ARID3A: variants seen among roughly 807,000 people sequenced by gnomAD.
The protein encoded by ARID3A is AT-rich interactive domain-containing protein 3A.
In ARID3A, 11 loss-of-function variants were observed where a neutral mutation model predicts 52.7. The ratio of observed to expected loss-of-function variants is 0.21; its 90% confidence interval spans 0.13 to 0.35. ARID3A has a LOEUF of 0.35. Among genes scored for constraint, ARID3A ranks in the 10% least tolerant of loss-of-function variants. The pLI is 1.00. For missense variants in ARID3A, 721 were observed against 838.5 expected, an observed-to-expected ratio of 0.86 and a Z score of 1.73; for synonymous variants, 404 against 359.4, an observed-to-expected ratio of 1.12 and a Z score of -1.40.
Position 959,202 on chromosome 19 carries a change from C to T in ARID3A, c.694-890C>T, listed in dbSNP as rs918409036. On this transcript the variant is annotated intron_variant, in intron 3 of 8. Coordinates refer to ENST00000263620, the MANE Select transcript of ARID3A (RefSeq NM_005224.3). The surrounding 1 kb of genome is among the most constrained non-coding windows in gnomAD (Gnocchi z 5.0). ...CACAAGCCCAGGAACCTGGAGCCCC[C>T]AGAAGCCGTGAGAGGCAGGAAGGTT... is the stretch of plus-strand genomic sequence containing the variant. Among the ~76,000 whole-genome samples, 6 of 152,102 alleles carry T rather than the reference C, an allele frequency of 3.9e-5. No homozygotes were observed. Among genetic ancestry groups the T allele is most frequent in the African/African-American group, 1.2e-4 (5 of 41,418 alleles).
intron 3 of ARID3A, among the ~76,000 whole-genome samples, chr19:953,449 A>C (rs2037845087): frequency 1.4e-5 from 2 of 145,676 alleles, no homozygotes; most frequent in Non-Finnish European, 1.5e-5. Flanking sequence ...TGGGGGCGGC[A>C]CCTCCCACCC....
At chr19:936,503 C>T (rs2037442054) in intron 3 of ARID3A, among the ~76,000 whole-genome samples, 1 of 151,960 alleles carries the variant, frequency 6.6e-6, no homozygotes, top group African/African-American at 2.4e-5. Context: ...GTGATCGCGC[C>T]ACCACACTCC....
chr19:945,331 T>C (rs1195137781), intron 3 of ARID3A, among the ~76,000 whole-genome samples: 1 of 152,162 alleles, frequency 6.6e-6, no homozygotes, highest in African/African-American at 2.4e-5. Flanking sequence ...GCCTTTACGG[T>C]TCACCAGGTT....
At chr19:936,319 G>A (rs117766092) in intron 3 of ARID3A, among the ~76,000 whole-genome samples, 10,868 of 152,274 alleles carry the variant, frequency 0.071, 473 homozygotes, top group East Asian at 0.21. Context: ...GTGGGAGGCC[G>A]AGATGGGCAG....
chr19:933,214 G>C (rs1035646275), intron 3 of ARID3A, among the ~76,000 whole-genome samples: 2 of 152,294 alleles, frequency 1.3e-5, no homozygotes, highest in Middle Eastern at 6.8e-3. Flanking sequence ...GAGGGGATGT[G>C]GGGGTGGCTC....
intron 6 of ARID3A, 100 bp from the exon 7 acceptor site, chr19:966,472 A>AC (rs1364258856): frequency 9.2e-7 from 1 of 1,083,598 alleles, no homozygotes; most frequent in Non-Finnish European, 1.3e-6. Flanking sequence ...AAAAAAAAAA[A>AC]AAAGAAAAGA....
rs374207526 is a variant in ARID3A at position 935,367 on chromosome 19, G to A, written c.693+2625G>A. 1.5e-3 allele frequency among the ~76,000 whole-genome samples: 225 copies of A among 152,292 alleles called. 1 individual carries two copies. The highest frequency in any genetic ancestry group is 5.2e-3 in the African/African-American group (215 of 41,564). On this transcript the variant is annotated intron_variant, in intron 3 of 8. Transcript: ENST00000263620. ...GCAGTTTTGGAGGCCAGCACGTGTC[G>A]GGCAGTGATTAGGATCTCAGCCTCC...
chr19:928,209 TC>T (rs1158814067), intron 1 of ARID3A: 1 of 152,314 alleles, frequency 6.6e-6, no homozygotes, highest in Non-Finnish European at 1.5e-5. Context: ...CTTTGCCCCC[TC>T]CGCTGTCCCC....
At position 968,228 on chromosome 19, in the gene ARID3A, C is replaced by T. The variant is rs369083883; in HGVS notation, c.1496-177C>T. 1.1e-4 allele frequency among the ~76,000 whole-genome samples: 16 copies of T among 150,232 alleles called. No homozygotes were observed. The East Asian group carries it at 1.2e-3, about 11-fold the overall frequency. On this transcript the variant is annotated intron_variant, in intron 7 of 8. Coordinates refer to ENST00000263620, the MANE Select transcript of ARID3A (RefSeq NM_005224.3). ...ACAAAAAATTAGCCAGGCGTGGTGG[C>T]GGGCGCCTGTAGTCCCAGCTACTGG...
rs2037566651 is a variant in ARID3A, at chr19:942,028, G to A, written c.693+9286G>A. Reference sequence around the variant, plus strand: ...ACCCCCGGGGCTGCTAGAGAGTGGCGCTGTCTGTCTTGGTCAGCAGCGCGC... The same window carrying A: ...ACCCCCGGGGCTGCTAGAGAGTGGCACTGTCTGTCTTGGTCAGCAGCGCGC... On this transcript the variant is annotated intron_variant, in intron 3 of 8. Transcript: ENST00000263620. This position sits in a 1 kb window ranked among gnomAD's most constrained non-coding sequence, Gnocchi z 8.1. 6.6e-6 allele frequency among the ~76,000 whole-genome samples: 1 copy of A among 152,178 alleles called. No homozygotes were observed. The highest frequency in any genetic ancestry group is 1.5e-5 in the Non-Finnish European group (1 of 68,038).
rs377115181 is a variant in ARID3A, at chr19:974,417, A to G, written c.*2352A>G. On this transcript the variant is annotated 3_prime_UTR_variant, in exon 9 of 9. Coordinates refer to ENST00000263620, the MANE Select transcript of ARID3A (RefSeq NM_005224.3). Reference sequence around the variant, plus strand: ...ACAATCGGGCCCCACTCGCAGAACCACCTGGACTCTGTCCGTGTCTGTCCC... The same window carrying G: ...ACAATCGGGCCCCACTCGCAGAACCGCCTGGACTCTGTCCGTGTCTGTCCC... 1.3e-4 allele frequency: 31 copies of G among 230,398 alleles called. No homozygotes were observed. Among genetic ancestry groups the G allele is most frequent in the African/African-American group, 6.4e-4 (29 of 45,072 alleles). The allele number at this position is 230,398 out of a possible 1,614,324, so 14.3% of individuals were successfully genotyped here.
intron 4 of ARID3A, chr19:962,038 C>T (rs1021012018): frequency 5.9e-5 from 9 of 152,300 alleles, no homozygotes; most frequent in African/African-American, 2.2e-4. Flanking sequence ...GCTGGGAATT[C>T]CTACAGGACA....
intron 2 of ARID3A, among the ~76,000 whole-genome samples, chr19:931,314 G>T (rs2037321392): frequency 6.6e-6 from 1 of 151,690 alleles, no homozygotes; most frequent in Non-Finnish European, 1.5e-5. Flanking sequence ...CTGGCCGGGT[G>T]CAGTGGCTCA....
At position 972,164 on chromosome 19, in the gene ARID3A, T is replaced by C. The variant is rs921519448; in HGVS notation, c.*99T>C. The C allele has an allele frequency of 2.6e-6, 3 of 1,169,054 alleles. No homozygotes were observed. Among genetic ancestry groups the C allele is most frequent in the Non-Finnish European group, 1.2e-6 (1 of 865,530 alleles). The allele number at this position is 1,169,054 out of a possible 1,614,324, so 72.4% of individuals were successfully genotyped here. On this transcript the variant is annotated 3_prime_UTR_variant, in exon 9 of 9. Transcript: ENST00000263620. ...GGGCCAGGATGGCGGAAGATACGGG[T>C]GGGGAGGGAAGATATCCAGAAAGGA...
intron 3 of ARID3A, among the ~76,000 whole-genome samples, chr19:949,017 A>G (rs1474797030): frequency 2.0e-5 from 3 of 152,072 alleles, no homozygotes; most frequent in African/African-American, 7.2e-5. Context: ...GCGCGTGGCC[A>G]TCCTGGAGTC....
chr19:948,261 G>A (rs2037728973), intron 3 of ARID3A, among the ~76,000 whole-genome samples: 1 of 151,448 alleles, frequency 6.6e-6, no homozygotes, highest in South Asian at 2.1e-4. Context: ...ACACACAGGA[G>A]GTGCTCAATA....
Position 938,136 on chromosome 19 carries a change from G to A in ARID3A, c.693+5394G>A, listed in dbSNP as rs1412310834. ...TGGGATCACAGACGTGAGCCACCGC[G>A]CCCGGCCTGTTGTCGACTTTTGATC... On this transcript the variant is annotated intron_variant, in intron 3 of 8. Coordinates refer to ENST00000263620, the MANE Select transcript of ARID3A (RefSeq NM_005224.3). The surrounding 1 kb of genome is among the most constrained non-coding windows in gnomAD (Gnocchi z 4.0). Among the ~76,000 whole-genome samples, 2 of 152,038 alleles carry A rather than the reference G, an allele frequency of 1.3e-5. No individual in the cohort carries two copies. Among genetic ancestry groups the A allele is most frequent in the Non-Finnish European group, 2.9e-5 (2 of 68,028 alleles).
rs2037718667 is a variant in ARID3A at position 947,805 on chromosome 19, G to T, written c.694-12287G>T. On this transcript the variant is annotated intron_variant, in intron 3 of 8. Coordinates refer to ENST00000263620, the MANE Select transcript of ARID3A (RefSeq NM_005224.3). This position sits in a 1 kb window ranked among gnomAD's most constrained non-coding sequence, Gnocchi z 6.3. ...GAGAGGGGACTCGGGGCCCATCAGGGCCGGGGGAGTGGAGCCGGCAGATGT... is the reference window on the plus strand; with the variant it reads ...GAGAGGGGACTCGGGGCCCATCAGGTCCGGGGGAGTGGAGCCGGCAGATGT... 6.6e-6 allele frequency among the ~76,000 whole-genome samples: 1 copy of T among 152,264 alleles called. No individual in the cohort carries two copies. Among genetic ancestry groups the T allele is most frequent in the Admixed American group, 6.5e-5 (1 of 15,292 alleles).
chr19:964,457 G>A lies in ARID3A; in HGVS notation c.950+26G>A, dbSNP rs747687385. ...GTGAGTGGCGGACGGTTGTGCCGAGGTCGGGCCAGGGCACTCTGAGCAGCC... is the reference window on the plus strand; with the variant it reads ...GTGAGTGGCGGACGGTTGTGCCGAGATCGGGCCAGGGCACTCTGAGCAGCC... On this transcript the variant is annotated intron_variant, in intron 5 of 8. Transcript: ENST00000263620. The surrounding 1 kb of genome is among the most constrained non-coding windows in gnomAD (Gnocchi z 5.7). The A allele has an allele frequency of 2.6e-6, 4 of 1,554,022 alleles. No individual in the cohort carries two copies. The South Asian group carries it at 4.7e-5, about 18-fold the overall frequency.
Sources: gnomAD v4.1 joint callset for allele counts (sites outside exome capture counted in the v4.1 genomes callset) on GRCh38, gnomAD v4.1.1 for gene constraint, Gnocchi (gnomAD v3.1) non-coding constraint, MANE v1.5 for transcripts, NCBI Gene and HGNC (gene_info 2026-07-23, HGNC 2026-07-21) for gene names.